Variants in CCDC149 observed in about 807,000 individuals in gnomAD.
CCDC149 encodes the protein coiled-coil domain containing 149, also known as coiled-coil domain-containing protein 149.
Under a neutral mutation model 59.9 loss-of-function variants are expected in CCDC149, and 45 were observed. The observed-to-expected ratio is 0.75, with a 90% CI of 0.59 to 0.96. The LOEUF (loss-of-function observed/expected upper bound fraction) is 0.96, where lower values mean the gene tolerates loss of function less well. Ranked by LOEUF, CCDC149 falls within the 40% of genes least tolerant of loss-of-function variation. CCDC149 has a pLI of 0.00. For missense variants in CCDC149, 584 were observed against 664.7 expected (o/e 0.88, Z 1.33); for synonymous variants, 245 against 260.6 (o/e 0.94, Z 0.58).
intron 1 of CCDC149, among the ~76,000 whole-genome samples, chr4:24,904,624 G>A (rs888064777): frequency 1.3e-5 from 2 of 152,176 alleles, no homozygotes; most frequent in Non-Finnish European, 2.9e-5. Context: ...TTTCAGAAGT[G>A]ACTTTACTAC....
At chr4:24,853,295 G>A (rs1047205124) in intron 3 of CCDC149, 116 bp from the exon 4 acceptor site, 16 of 752,064 alleles carry the variant, frequency 2.1e-5, no homozygotes, top group Admixed American at 1.1e-4. Flanking sequence ...CACAAAGCCC[G>A]TTATAGTAAA....
At chr4:24,901,812 G>A (rs187534579) in intron 1 of CCDC149, among the ~76,000 whole-genome samples, 37 of 152,242 alleles carry the variant, frequency 2.4e-4, no homozygotes, top group African/African-American at 8.4e-4. Context: ...TGCAGCAAGG[G>A]CCATCTTGGA....
At chr4:24,932,230 C>G (rs969994161) in intron 1 of CCDC149, among the ~76,000 whole-genome samples, 2 of 152,124 alleles carry the variant, frequency 1.3e-5, no homozygotes, top group African/African-American at 4.8e-5. Context: ...ACAGGTTTTC[C>G]AAAAGACACT....
chr4:24,921,866 T>A (rs1722304183), intron 1 of CCDC149, among the ~76,000 whole-genome samples: 1 of 152,206 alleles, frequency 6.6e-6, no homozygotes, highest in Admixed American at 6.5e-5. Context: ...CCCGCTCTTG[T>A]GCTGCGTTAC....
At chr4:24,866,206 G>A (rs148976895) in intron 3 of CCDC149, among the ~76,000 whole-genome samples, 1 of 152,262 alleles carries the variant, frequency 6.6e-6, no homozygotes, top group African/African-American at 2.4e-5. Context: ...TGTCATCTTG[G>A]TGCGTGTCAC....
Position 24,861,821 on chromosome 4 carries a change from G to A in CCDC149, c.265-8642C>T, listed in dbSNP as rs187061104. Among the ~76,000 whole-genome samples the A allele has an allele frequency of 1.8e-3, 268 of 152,106 alleles. 1 individual carries two copies. The highest frequency in any genetic ancestry group is 3.4e-3 in the Middle Eastern group (1 of 294). The stretch of plus-strand genomic sequence containing the variant: ...GTTTCCATTCTATACCATTTCTCTC[G>A]CTGTAATAAGAAATGGGAAGATGGA... On this transcript the variant is annotated intron_variant, in intron 3 of 12. Transcript: ENST00000635206.
At chr4:24,831,772 T>C in intron 8 of CCDC149, 122 bp from the exon 9 acceptor site, 1 of 809,368 alleles carries the variant, frequency 1.2e-6, no homozygotes, top group Non-Finnish European at 1.9e-6. Flanking sequence ...CTATGTTGTA[T>C]TGAGAGTCCA....
At chr4:24,927,898 C>T (rs1281034612) in intron 1 of CCDC149, among the ~76,000 whole-genome samples, 1 of 151,464 alleles carries the variant, frequency 6.6e-6, no homozygotes. Flanking sequence ...CTGTGCACAT[C>T]CATGAAATCT....
chr4:24,965,683 G>A lies in CCDC149; in HGVS notation c.-65+14386C>T, dbSNP rs1010308760. Among the ~76,000 whole-genome samples the A allele has an allele frequency of 2.0e-5, 3 of 152,190 alleles. No individual in the cohort carries two copies. In the South Asian group the frequency reaches 6.2e-4, roughly 32 times the overall value. On this transcript the variant is annotated intron_variant, in intron 1 of 12. Transcript: ENST00000389609. ...ACTAAACACGTACTTTAGACAAGAA[G>A]AAAGAAGATCTCAAATCAGTGACTT...
intron 1 of CCDC149, among the ~76,000 whole-genome samples, chr4:24,921,599 C>T (rs1722297063): frequency 6.6e-6 from 1 of 152,206 alleles, no homozygotes; most frequent in African/African-American, 2.4e-5. Flanking sequence ...CCCACCTAGC[C>T]ATCCAAGAAA....
intron 3 of CCDC149, 93 bp from the exon 4 acceptor site, chr4:24,853,272 C>T (rs1717782805): frequency 2.3e-6 from 2 of 886,074 alleles, no homozygotes; most frequent in Non-Finnish European, 3.7e-6. Context: ...GGTGTCTAAC[C>T]CCAGTTGAAC....
chr4:24,813,489 A>AATATATCTATATATATATATAT (rs1186488610), intron 12 of CCDC149, among the ~76,000 whole-genome samples: 5 of 113,734 alleles, frequency 4.4e-5, no homozygotes, highest in East Asian at 2.4e-4. Context: ...CAGCTTGGGG[A>AATATATCTATATATATATATAT]ATATATATAT....
intron 6 of CCDC149, among the ~76,000 whole-genome samples, chr4:24,836,973 G>A (rs556419307): frequency 2.6e-5 from 4 of 152,244 alleles, no homozygotes; most frequent in South Asian, 2.1e-4. Context: ...TGGGTTCCTC[G>A]CCCTTCTCAA....
intron 1 of CCDC149, among the ~76,000 whole-genome samples, chr4:24,929,260 A>G (rs956335670): frequency 2.0e-5 from 3 of 152,106 alleles, no homozygotes; most frequent in Non-Finnish European, 4.4e-5. Context: ...ACTTTTTCTC[A>G]TGTGGGCTCC....
intron 1 of CCDC149, among the ~76,000 whole-genome samples, chr4:24,938,882 A>T (rs903219527): frequency 1.3e-5 from 2 of 152,240 alleles, no homozygotes; most frequent in Admixed American, 1.3e-4. Flanking sequence ...TGAGTAGGTA[A>T]ACAAAGCGGC....
chr4:24,941,427 G>A (rs1350795241), intron 1 of CCDC149, among the ~76,000 whole-genome samples: 1 of 152,108 alleles, frequency 6.6e-6, no homozygotes, highest in Non-Finnish European at 1.5e-5. Context: ...AGCACTAAAT[G>A]CCCACAAGAG....
chr4:24,899,073 G>A (rs1721007960), intron 1 of CCDC149, among the ~76,000 whole-genome samples: 1 of 152,134 alleles, frequency 6.6e-6, no homozygotes, highest in Non-Finnish European at 1.5e-5. Context: ...TCATTTCAAT[G>A]CTTAGATGAT....
chr4:24,809,427 G>A (rs1714453852), intron 12 of CCDC149, among the ~76,000 whole-genome samples: 1 of 152,328 alleles, frequency 6.6e-6, no homozygotes, highest in Admixed American at 6.5e-5. Flanking sequence ...TTCTAGCACT[G>A]CAACAGGAAG....
chr4:24,875,702 C>T (rs1719372239), intron 2 of CCDC149, among the ~76,000 whole-genome samples: 1 of 152,114 alleles, frequency 6.6e-6, no homozygotes, highest in South Asian at 2.1e-4. Context: ...CCATCAGTCA[C>T]ATGAGCCCAT....
Sources: allele counts gnomAD v4.1 joint callset (sites outside exome capture counted in the v4.1 genomes callset), GRCh38; gene constraint gnomAD v4.1.1; transcripts MANE v1.5; gene names NCBI Gene and HGNC (gene_info 2026-07-23, HGNC 2026-07-21).